PLAGL1: variants seen among roughly 807,000 people sequenced by gnomAD.
The protein encoded by PLAGL1 is zinc finger protein PLAGL1.
In PLAGL1, 1 loss-of-function variant was observed where a neutral mutation model predicts 4.6. The ratio of observed to expected loss-of-function variants is 0.22; its 90% confidence interval spans 0.08 to 1.03. The LOEUF is 1.03. PLAGL1 is among the 50% of genes least tolerant of loss of function. PLAGL1 has a pLI of 0.58. For missense variants in PLAGL1, 464 were observed against 570.4 expected, an observed-to-expected ratio of 0.81 and a Z score of 1.90; for synonymous variants, 240 against 237.8, an observed-to-expected ratio of 1.01 and a Z score of -0.08.
intron 1 of PLAGL1, among the ~76,000 whole-genome samples, chr6:144,054,477 C>T (rs568109136): frequency 2.6e-5 from 4 of 152,268 alleles, no homozygotes; most frequent in Admixed American, 6.5e-5. Flanking sequence ...AAGCCATTAT[C>T]CTCAGCAAAC....
intron 1 of PLAGL1, among the ~76,000 whole-genome samples, chr6:144,020,207 C>G (rs1795869684): frequency 6.6e-6 from 1 of 152,180 alleles, no homozygotes; most frequent in African/African-American, 2.4e-5. Context: ...TAATCTTGCA[C>G]TTCCCAGCTC....
chr6:144,023,822 A>ACTG (rs1033514294), intron 1 of PLAGL1, among the ~76,000 whole-genome samples: 5 of 127,750 alleles, frequency 3.9e-5, no homozygotes, highest in African/African-American at 1.6e-4. Flanking sequence ...TGTTGCCCAG[A>ACTG]CTGGAGTGCA....
In PLAGL1 at chr6:144,053,561, C is replaced by G. The variant is rs1639409858; in HGVS notation, c.-151+10907G>C. On this transcript the variant is annotated intron_variant, in intron 1 of 3. Transcript: ENST00000437412. The surrounding 1 kb of genome is among the most constrained non-coding windows in gnomAD (Gnocchi z 4.0). ...ATCATGAAACTATTCAATAACTGTG[C>G]AAAATACTATTTGATTAAATATGAT... Among the ~76,000 whole-genome samples, 1 of 152,154 alleles carries G rather than the reference C, an allele frequency of 6.6e-6. No homozygotes were observed. Among genetic ancestry groups the G allele is most frequent in the Non-Finnish European group, 1.5e-5 (1 of 68,026 alleles).
Position 143,973,977 on chromosome 6 carries a change from C to A in PLAGL1, c.-543-4999G>T, listed in dbSNP as rs906464704. On this transcript the variant is annotated intron_variant, in intron 2 of 7. Coordinates refer to ENST00000674357, the MANE Select transcript of PLAGL1 (RefSeq NM_001317162.2). This position sits in a 1 kb window ranked among gnomAD's most constrained non-coding sequence, Gnocchi z 6.2. ...GTTTTTTTGGATCCAGGTAATCACC[C>A]AAACTGGGTAATCCAAGCTCCTGTG... Among the ~76,000 whole-genome samples the A allele has an allele frequency of 6.6e-6, 1 of 152,174 alleles. No homozygotes were observed. Among genetic ancestry groups the A allele is most frequent in the African/African-American group, 2.4e-5 (1 of 41,440 alleles).
rs144526335 is a variant in PLAGL1, at chr6:143,946,864, G to A, written c.152+1121C>T. 1.7e-3 allele frequency among the ~76,000 whole-genome samples: 252 copies of A among 152,292 alleles called. 3 individuals are homozygous for A. The East Asian group carries it at 0.026, about 16-fold the overall frequency. ...TCAAAAGCAGCACGTGTGAGTGGAC[G>A]CACTATGTGTGTGGCTCTGAGTGTG... On this transcript the variant is annotated intron_variant, in intron 7 of 7. Transcript: ENST00000674357.
chr6:144,028,845 G>A (rs1796571940), intron 1 of PLAGL1, among the ~76,000 whole-genome samples: 1 of 152,122 alleles, frequency 6.6e-6, no homozygotes. Flanking sequence ...AAAAATACAT[G>A]CTTGTTTTAG....
chr6:144,030,208 T>C (rs1023612022), intron 1 of PLAGL1, among the ~76,000 whole-genome samples: 4 of 129,618 alleles, frequency 3.1e-5, no homozygotes, highest in African/African-American at 1.2e-4. Context: ...TGAGCCGAGA[T>C]TGCGCCACTG....
chr6:143,987,517 G>C (rs1216439306), intron 1 of PLAGL1, among the ~76,000 whole-genome samples: 2 of 137,564 alleles, frequency 1.5e-5, no homozygotes, highest in Non-Finnish European at 3.0e-5. Flanking sequence ...CTGGGCCCAA[G>C]AGATTCTCCC....
intron 1 of PLAGL1, among the ~76,000 whole-genome samples, chr6:144,025,777 C>T (rs1796300408): frequency 6.6e-6 from 1 of 152,060 alleles, no homozygotes; most frequent in Admixed American, 6.6e-5. Context: ...CCTGTAATCC[C>T]AGCTACTCAG....
chr6:143,948,168 T>C lies in PLAGL1; in HGVS notation c.-32A>G. 2 of 1,604,818 alleles carry C rather than the reference T, an allele frequency of 1.2e-6. No individual in the cohort carries two copies. Among genetic ancestry groups the C allele is most frequent in the South Asian group, 1.1e-5 (1 of 90,720 alleles). ...TGCTTCTCACACCTTCCTTTTCAGA[T>C]GTGCTGACCAAATGCTGTGCCATTT... On this transcript the variant is annotated 5_prime_UTR_variant, in exon 7 of 8. Coordinates refer to ENST00000674357, the MANE Select transcript of PLAGL1 (RefSeq NM_001317162.2). This position sits in a 1 kb window ranked among gnomAD's most constrained non-coding sequence, Gnocchi z 6.0.
chr6:144,046,638 C>G (rs113646371), intron 1 of PLAGL1, among the ~76,000 whole-genome samples: 1 of 152,188 alleles, frequency 6.6e-6, no homozygotes, highest in African/African-American at 2.4e-5. Context: ...TTAGGCTACA[C>G]GGGGGTCAGG....
intron 1 of PLAGL1, among the ~76,000 whole-genome samples, chr6:144,044,700 C>G (rs1032009800): frequency 2.6e-5 from 4 of 152,146 alleles, no homozygotes; most frequent in African/African-American, 9.7e-5. Flanking sequence ...CCGCTTGGTG[C>G]AGAGCTGAGT....
intron 1 of PLAGL1, among the ~76,000 whole-genome samples, chr6:144,025,925 C>T (rs1583764729): frequency 6.6e-6 from 1 of 152,092 alleles, no homozygotes; most frequent in East Asian, 1.9e-4. Context: ...CACCTACTTG[C>T]CCAAGTTCTA....
rs1011500754 is a variant in PLAGL1 at position 144,029,980 on chromosome 6, G to A, written c.-151+34488C>T. On this transcript the variant is annotated intron_variant, in intron 1 of 3. Coordinates refer to the PLAGL1 transcript ENST00000437412. ...TAGAAGACATAAATTTTGACTGGGC[G>A]CGGTGGCTCACGCCTGTAATCCCAG... Among the ~76,000 whole-genome samples the A allele has an allele frequency of 1.4e-4, 21 of 152,208 alleles. No homozygotes were observed. The Middle Eastern group carries it at 0.01, about 74-fold the overall frequency.
rs1161348171 is a variant in PLAGL1, at chr6:143,959,170, C to A, written c.-325+1299G>T. Among the ~76,000 whole-genome samples the A allele has an allele frequency of 1.3e-5, 2 of 152,230 alleles. No individual in the cohort carries two copies. Among genetic ancestry groups the A allele is most frequent in the Admixed American group, 1.3e-4 (2 of 15,292 alleles). On this transcript the variant is annotated intron_variant, in intron 6 of 7. Coordinates refer to ENST00000674357, the MANE Select transcript of PLAGL1 (RefSeq NM_001317162.2). This position sits in a 1 kb window ranked among gnomAD's most constrained non-coding sequence, Gnocchi z 5.3. Reference sequence around the variant, plus strand: ...CTGCCTGCTCGCAGCTCCTCCCCAGCAGCTGAGAGCAATGTCTCAAGTGGC... The same window carrying A: ...CTGCCTGCTCGCAGCTCCTCCCCAGAAGCTGAGAGCAATGTCTCAAGTGGC...
chr6:144,019,301 G>T (rs778075669), intron 1 of PLAGL1, among the ~76,000 whole-genome samples: 1 of 152,002 alleles, frequency 6.6e-6, no homozygotes, highest in Non-Finnish European at 1.5e-5. Context: ...GTGAAACACC[G>T]TCTCTACTAA....
In PLAGL1 at chr6:144,020,412, C is replaced by T. The variant is rs1039850065; in HGVS notation, c.-151+44056G>A. 2.0e-4 allele frequency among the ~76,000 whole-genome samples: 31 copies of T among 151,912 alleles called. 1 individual carries two copies. Among genetic ancestry groups the T allele is most frequent in the Non-Finnish European group, 3.4e-4 (23 of 67,978 alleles). ...AAGCAAGTCTCCTGCCTCAGCCTCCCGAGAAGCTGGGATTACAGGTGCGGG... is the reference window on the plus strand; with the variant it reads ...AAGCAAGTCTCCTGCCTCAGCCTCCTGAGAAGCTGGGATTACAGGTGCGGG... On this transcript the variant is annotated intron_variant, in intron 1 of 3. Coordinates refer to the PLAGL1 transcript ENST00000437412.
chr6:144,025,043 T>C (rs1796234329), intron 1 of PLAGL1, among the ~76,000 whole-genome samples: 1 of 152,106 alleles, frequency 6.6e-6, no homozygotes, highest in African/African-American at 2.4e-5. Flanking sequence ...GTGTACATTA[T>C]AGAGGGGGGA....
intron 1 of PLAGL1, among the ~76,000 whole-genome samples, chr6:143,988,059 G>C (rs1040880539): frequency 2.0e-5 from 3 of 152,084 alleles, no homozygotes; most frequent in African/African-American, 7.2e-5. Context: ...TAAAAACTGA[G>C]AAACACTTTT....
Sources: gnomAD v4.1 joint callset for allele counts (sites outside exome capture counted in the v4.1 genomes callset) on GRCh38, gnomAD v4.1.1 for gene constraint, Gnocchi (gnomAD v3.1) non-coding constraint, MANE v1.5 for transcripts, NCBI Gene and HGNC (gene_info 2026-07-23, HGNC 2026-07-21) for gene names.